The following C12orf56 variants were observed in gnomAD, a reference collection of about 807,000 sequenced individuals.
C12orf56 encodes the protein uncharacterized protein C12orf56.
C12orf56 carries 71 observed loss-of-function variants against 69.9 expected under a neutral mutation model. The ratio of observed to expected loss-of-function variants is 1.02; its 90% CI spans 0.84 to 1.24. C12orf56 has a LOEUF of 1.24. C12orf56 is among the 50% of genes most tolerant of loss of function. The probability of loss-of-function intolerance (pLI) is 0.00; values close to 1 mark genes in which losing one functional copy is unlikely to be tolerated. For synonymous variants in C12orf56, 276 were observed against 274.1 expected (o/e 1.01, Z -0.07); for missense variants, 732 against 738.5 (o/e 0.99, Z 0.10).
rs749378148 is a variant in C12orf56, at chr12:64,390,582, G to T, written c.-17C>A. 2.6e-6 allele frequency: 4 copies of T among 1,541,236 alleles called. No individual in the cohort carries two copies. Among genetic ancestry groups the T allele is most frequent in the Non-Finnish European group, 2.6e-6 (3 of 1,151,130 alleles). ...GCTGGCCATGCCCGGCGCCCGCAGC[G>T]TGGCGGAGTGCTGGGACTCGAGGCC... On this transcript the variant is annotated 5_prime_UTR_variant, in exon 1 of 13. Transcript: ENST00000543942.
intron 2 of C12orf56, among the ~76,000 whole-genome samples, chr12:64,335,972 A>T (rs565785906): frequency 6.6e-6 from 1 of 152,190 alleles, no homozygotes; most frequent in Non-Finnish European, 1.5e-5. Context: ...TACACATGAC[A>T]TCATCATTAT....
chr12:64,343,779 C>T (rs2039104949), intron 2 of C12orf56, among the ~76,000 whole-genome samples: 1 of 152,222 alleles, frequency 6.6e-6, no homozygotes, highest in African/African-American at 2.4e-5. Flanking sequence ...TCCATGATCC[C>T]TCCAGGGACA....
Position 64,270,794 on chromosome 12 carries a change from A to T in C12orf56, c.1585-80T>A, listed in dbSNP as rs531778585. 7.9e-4 allele frequency: 967 copies of T among 1,226,512 alleles called. 19 individuals carry two copies. In the South Asian group the frequency reaches 0.014, roughly 17 times the overall value. The allele number at this position is 1,226,512 out of a possible 1,614,324, so 76.0% of individuals were successfully genotyped here. The stretch of plus-strand genomic sequence containing the variant: ...TATTTCAGCTGGAGCTTCAACTACA[A>T]ATCTAGACTGAGGCCCTCACTACCC... On this transcript the variant is annotated intron_variant, in intron 11 of 12. Coordinates refer to ENST00000543942, the MANE Select transcript of C12orf56 (RefSeq NM_001170633.2).
intron 3 of C12orf56, among the ~76,000 whole-genome samples, chr12:64,326,305 A>C (rs2038838339): frequency 6.6e-6 from 1 of 152,220 alleles, no homozygotes; most frequent in South Asian, 2.1e-4. Flanking sequence ...ATTGTGTGTC[A>C]ATCATACCTC....
intron 1 of C12orf56, among the ~76,000 whole-genome samples, chr12:64,368,154 C>A (rs1403644705): frequency 6.6e-6 from 1 of 152,032 alleles, no homozygotes; most frequent in Non-Finnish European, 1.5e-5. Flanking sequence ...GGCTGGGGTG[C>A]ATGCAGTAGC....
intron 1 of C12orf56, among the ~76,000 whole-genome samples, chr12:64,370,935 G>A (rs1354209047): frequency 6.6e-6 from 1 of 152,140 alleles, no homozygotes; most frequent in Non-Finnish European, 1.5e-5. Flanking sequence ...AGGAGTTCAA[G>A]GCTGCAGTGA....
At chr12:64,316,680 C>T (rs1377385561) in intron 4 of C12orf56, among the ~76,000 whole-genome samples, 1 of 152,204 alleles carries the variant, frequency 6.6e-6, no homozygotes, top group Admixed American at 6.5e-5. Context: ...TCTACACTAG[C>T]TATGTGACTT....
intron 2 of C12orf56, among the ~76,000 whole-genome samples, chr12:64,350,319 C>G (rs1336388230): frequency 6.6e-6 from 1 of 152,000 alleles, no homozygotes; most frequent in East Asian, 1.9e-4. Context: ...ACCCCAATAA[C>G]CTATGGAAAA....
chr12:64,340,247 G>A (rs886620121), intron 2 of C12orf56, among the ~76,000 whole-genome samples: 1 of 152,082 alleles, frequency 6.6e-6, no homozygotes, highest in Non-Finnish European at 1.5e-5. Context: ...GGCTGTGCTG[G>A]CAGATGATAA....
chr12:64,267,166 G>A lies in C12orf56; in HGVS notation c.*17C>T. 1 of 1,516,122 alleles carries A rather than the reference G, an allele frequency of 6.6e-7. No individual in the cohort carries two copies. Among genetic ancestry groups the A allele is most frequent in the Non-Finnish European group, 9.1e-7 (1 of 1,102,534 alleles). 93.9% of individuals were successfully genotyped at this position (1,516,122 alleles called of 1,614,324 possible). ...AACATTTTATACTCTTATTAACATT[G>A]CGTACATTGTTTGTTTCTATTCAAC... On this transcript the variant is annotated 3_prime_UTR_variant, in exon 13 of 13. Coordinates refer to ENST00000543942, the MANE Select transcript of C12orf56 (RefSeq NM_001170633.2).
At chr12:64,339,581 C>G (rs2039047278) in intron 2 of C12orf56, among the ~76,000 whole-genome samples, 1 of 151,908 alleles carries the variant, frequency 6.6e-6, no homozygotes, top group African/African-American at 2.4e-5. Flanking sequence ...GTTTGTTTTT[C>G]AGACAGGGTC....
chr12:64,384,093 A>G (rs1271313551), intron 1 of C12orf56, among the ~76,000 whole-genome samples: 1 of 152,206 alleles, frequency 6.6e-6, no homozygotes, highest in Non-Finnish European at 1.5e-5. Flanking sequence ...TAACAACCTT[A>G]AGAGGTAGTT....
At chr12:64,338,532 C>A in intron 2 of C12orf56, 2 of 1,288,014 alleles carry the variant, frequency 1.6e-6, no homozygotes, top group Non-Finnish European at 2.3e-6. Context: ...GTAAGGTCAT[C>A]CCTCACTCTG....
At chr12:64,384,742 G>A (rs935540219) in intron 1 of C12orf56, among the ~76,000 whole-genome samples, 5 of 152,220 alleles carry the variant, frequency 3.3e-5, no homozygotes, top group Admixed American at 2.0e-4. Flanking sequence ...ACTGCTCTGC[G>A]TATTTGTTCT....
At chr12:64,364,477 G>A (rs949059256) in intron 1 of C12orf56, among the ~76,000 whole-genome samples, 5 of 152,046 alleles carry the variant, frequency 3.3e-5, no homozygotes, top group African/African-American at 1.2e-4. Flanking sequence ...CTGAGTAACT[G>A]AAGTCACTCA....
At chr12:64,360,209 GAGGCC>G (rs1232451794) in intron 1 of C12orf56, among the ~76,000 whole-genome samples, 1 of 151,966 alleles carries the variant, frequency 6.6e-6, no homozygotes, top group South Asian at 2.1e-4. Flanking sequence ...GCGATTGCAT[GAGGCC>G]AGGAGTTCAA....
intron 2 of C12orf56, among the ~76,000 whole-genome samples, chr12:64,341,554 T>G (rs2039074571): frequency 6.6e-6 from 1 of 152,166 alleles, no homozygotes; most frequent in Admixed American, 6.5e-5. Context: ...ATCACACTTC[T>G]TTAGCCGTAA....
intron 2 of C12orf56, 143 bp downstream of exon 2, chr12:64,352,751 C>T (rs535723062): frequency 3.1e-6 from 2 of 639,596 alleles, no homozygotes; most frequent in South Asian, 7.5e-5. Flanking sequence ...AATGTGTCCC[C>T]ATGCCTAAAT....
chr12:64,280,425 GT>G (rs1430299279), intron 8 of C12orf56, among the ~76,000 whole-genome samples: 1 of 152,140 alleles, frequency 6.6e-6, no homozygotes, highest in African/African-American at 2.4e-5. Flanking sequence ...CACATCGATA[GT>G]CTCCTAAGTC....
Sources: gnomAD v4.1 joint callset for allele counts (sites outside exome capture counted in the v4.1 genomes callset) on GRCh38, gnomAD v4.1.1 for gene constraint, MANE v1.5 for transcripts, NCBI Gene and HGNC (gene_info 2026-07-23, HGNC 2026-07-21) for gene names.